POU2F2: variants seen among roughly 807,000 people sequenced by gnomAD.
POU2F2 encodes the protein POU domain, class 2, transcription factor 2.
Under a neutral mutation model 63.5 loss-of-function variants are expected in POU2F2, and 14 were observed. The ratio of observed to expected loss-of-function variants is 0.22; its 90% CI spans 0.15 to 0.34. The LOEUF (loss-of-function observed/expected upper bound fraction) is 0.34, where lower values mean the gene tolerates loss of function less well. Ranked by LOEUF, POU2F2 falls within the 10% of genes least tolerant of loss-of-function variation. POU2F2 has a pLI of 1.00. For missense variants in POU2F2, 607 were observed against 815.2 expected (o/e 0.74, Z 3.11); for synonymous variants, 306 against 348.6 (o/e 0.88, Z 1.36).
At chr19:42,104,088 G>A (rs1298406889) in intron 5 of POU2F2, among the ~76,000 whole-genome samples, 1 of 152,214 alleles carries the variant, frequency 6.6e-6, no homozygotes, top group Non-Finnish European at 1.5e-5. Flanking sequence ...AGAGTGCCCA[G>A]TGAAATTAAT....
chr19:42,142,534 G>T (rs191859088), intron 2 of POU2F2, among the ~76,000 whole-genome samples: 349 of 150,418 alleles, frequency 2.3e-3, no homozygotes, highest in Non-Finnish European at 3.8e-3. Context: ...TTTTTGGTGG[G>T]GGTTTGGGGT....
chr19:42,163,817 G>A (rs907552154), intron 1 of POU2F2, among the ~76,000 whole-genome samples: 5 of 152,168 alleles, frequency 3.3e-5, no homozygotes, highest in African/African-American at 1.2e-4. Flanking sequence ...GTGGGGACTG[G>A]TACAATAAAT....
chr19:42,104,949 G>A (rs778128201), intron 5 of POU2F2, among the ~76,000 whole-genome samples: 5 of 152,128 alleles, frequency 3.3e-5, no homozygotes, highest in Non-Finnish European at 7.4e-5. Context: ...AACTCTTGCT[G>A]CTAATCATCT....
rs2034519997 is a variant in POU2F2 at position 42,159,716 on chromosome 19, C to CAA, written c.-9+615_-9+616insTT. ...GGGGCTTCATAAAACCTTCTTTGTT[C>CAA]AGGGGAACGCTTCCAGCCATATTTT... On this transcript the variant is annotated intron_variant, in intron 2 of 6. Transcript: ENST00000524801. 2.0e-5 allele frequency among the ~76,000 whole-genome samples: 3 copies of CAA among 152,186 alleles called. No homozygotes were observed. The East Asian group carries it at 5.8e-4, about 29-fold the overall frequency.
rs111482127 is a variant in POU2F2, at chr19:42,127,435, A to G, written c.29-4859T>C. On this transcript the variant is annotated intron_variant, in intron 1 of 14. Coordinates refer to ENST00000692977, the MANE Select transcript of POU2F2 (RefSeq NM_001394376.1). ...TGCTGTGTTGTCCAGGCTGGAGTGC[A>G]GTGGTGGGATCTCGGCTCACTGCAA... 1.6e-3 allele frequency among the ~76,000 whole-genome samples: 237 copies of G among 151,862 alleles called. 3 individuals are homozygous for G. Among genetic ancestry groups the G allele is most frequent in the African/African-American group, 5.4e-3 (224 of 41,372 alleles).
intron 1 of POU2F2, among the ~76,000 whole-genome samples, chr19:42,129,494 G>A (rs781238207): frequency 7.9e-5 from 12 of 151,890 alleles, no homozygotes; most frequent in Admixed American, 5.9e-4. Flanking sequence ...ATTTCCCCCC[G>A]CCAGTTTTAG....
At chr19:42,134,174 A>C (rs2033937321), upstream of POU2F2, among the ~76,000 whole-genome samples, 1 of 130,226 alleles carries the variant, frequency 7.7e-6, no homozygotes, top group African/African-American at 2.9e-5. Context: ...TTCAGTTAGG[A>C]TTTGTTTTGG....
intron 1 of POU2F2, among the ~76,000 whole-genome samples, chr19:42,173,459 G>C (rs1036433632): frequency 6.6e-6 from 1 of 152,108 alleles, no homozygotes; most frequent in Non-Finnish European, 1.5e-5. Flanking sequence ...TGTCACATTG[G>C]TGGAGGAAGA....
Position 42,175,710 on chromosome 19 carries a change from C to G in POU2F2, c.-70+253G>C, listed in dbSNP as rs1388158944. ...AGAGACCAAAGAGGCAGCAGGCAGT[C>G]GAAGGGGTTCCCCAAGTTACAGACT... is the stretch of plus-strand genomic sequence containing the variant. On this transcript the variant is annotated intron_variant, in intron 1 of 6. Coordinates refer to the POU2F2 transcript ENST00000524801. 2.0e-5 allele frequency among the ~76,000 whole-genome samples: 3 copies of G among 151,998 alleles called. No homozygotes were observed. The East Asian group carries it at 5.8e-4, about 29-fold the overall frequency.
At chr19:42,164,273 C>T (rs1277070973) in intron 1 of POU2F2, among the ~76,000 whole-genome samples, 2 of 146,102 alleles carry the variant, frequency 1.4e-5, no homozygotes, top group Non-Finnish European at 3.0e-5. Flanking sequence ...GCCTGGACGA[C>T]ACACTGACAT....
rs1239019548 is a variant in POU2F2, at chr19:42,147,999, C to T, written c.-9+12333G>A. ...TGTCATGGTGAGTCCATGGAAGAGC[C>T]GGGATTTGTACCCCTCACACTGAGG... On this transcript the variant is annotated intron_variant, in intron 2 of 6. Transcript: ENST00000524801. Among the ~76,000 whole-genome samples, 4 of 152,072 alleles carry T rather than the reference C, an allele frequency of 2.6e-5. No individual in the cohort carries two copies. In the East Asian group the frequency reaches 7.7e-4, roughly 29 times the overall value.
upstream of POU2F2, among the ~76,000 whole-genome samples, chr19:42,134,216 G>GT (rs1302796369): frequency 2.2e-5 from 3 of 138,668 alleles, no homozygotes; most frequent in Non-Finnish European, 4.9e-5. Context: ...AGGACATTAT[G>GT]GGGGGGGGCA....
rs540267244 is a variant in POU2F2, at chr19:42,116,445, C to G, written c.369+805G>C. Among the ~76,000 whole-genome samples the G allele has an allele frequency of 3.9e-5, 6 of 152,230 alleles. No homozygotes were observed. The South Asian group carries it at 1.2e-3, about 32-fold the overall frequency. ...CTCCCAGGAGGCTGTGAACTCCCAGCGAGATGCACAGGAAGCACTGCCCCC... is the reference window on the plus strand; with the variant it reads ...CTCCCAGGAGGCTGTGAACTCCCAGGGAGATGCACAGGAAGCACTGCCCCC... On this transcript the variant is annotated intron_variant, in intron 5 of 14. Transcript: ENST00000692977.
intron 2 of POU2F2, among the ~76,000 whole-genome samples, chr19:42,138,266 C>T (rs1006945882): frequency 2.0e-5 from 3 of 152,056 alleles, no homozygotes; most frequent in African/African-American, 7.2e-5. Flanking sequence ...ATGGGAGTCA[C>T]GGAGAAGTCA....
chr19:42,134,552 A>T (rs1210992771), upstream of POU2F2: 1 of 152,402 alleles, frequency 6.6e-6, no homozygotes, highest in Non-Finnish European at 1.5e-5. Context: ...TTTGGAACAC[A>T]CTGGCAGCTG....
Position 42,117,046 on chromosome 19 carries a change from T to G in POU2F2, c.369+204A>C. The G allele has an allele frequency of 1.5e-6, 1 of 662,142 alleles. No individual in the cohort carries two copies. The highest frequency in any genetic ancestry group is 2.7e-6 in the Non-Finnish European group (1 of 366,778). The allele number at this position is 662,142 out of a possible 1,614,324, so 41.0% of individuals were successfully genotyped here. A position where few individuals can be genotyped will look rare whatever the true frequency, so the allele number is the denominator to read the frequency against. On this transcript the variant is annotated intron_variant, in intron 5 of 14. Transcript: ENST00000692977. The surrounding 1 kb of genome is among the most constrained non-coding windows in gnomAD (Gnocchi z 4.4). ...GACAGCAGGAATTGGAGCAAGGGGTTGAAGAGGAGCAGAGAAGGCAGAGAG... is the reference window on the plus strand; with the variant it reads ...GACAGCAGGAATTGGAGCAAGGGGTGGAAGAGGAGCAGAGAAGGCAGAGAG...
chr19:42,091,239 G>C lies in POU2F2; in HGVS notation c.*18C>G, dbSNP rs1236500458. ...AAGGCAGGGACCAGAGGAATGGGAG[G>C]GGAGGCATGGCTGGCCCTCACTCAG... On this transcript the variant is annotated 3_prime_UTR_variant, in exon 15 of 15. Coordinates refer to ENST00000692977, the MANE Select transcript of POU2F2 (RefSeq NM_001394376.1). The C allele has an allele frequency of 6.6e-7, 1 of 1,519,316 alleles. No homozygotes were observed. Among genetic ancestry groups the C allele is most frequent in the African/African-American group, 1.4e-5 (1 of 72,718 alleles). 94.1% of individuals were successfully genotyped at this position (1,519,316 alleles called of 1,614,324 possible).
intron 4 of POU2F2, among the ~76,000 whole-genome samples, chr19:42,121,264 C>T (rs909059724): frequency 2.0e-5 from 3 of 152,164 alleles, no homozygotes; most frequent in African/African-American, 7.2e-5. Context: ...CCGTTCAAAG[C>T]GCTCAGCACA....
At chr19:42,123,626 T>A (rs2032900917) in intron 1 of POU2F2, among the ~76,000 whole-genome samples, 1 of 152,118 alleles carries the variant, frequency 6.6e-6, no homozygotes, top group South Asian at 2.1e-4. Context: ...GGACCCCTGG[T>A]CTTCATGACT....
Sources: allele counts gnomAD v4.1 joint callset (sites outside exome capture counted in the v4.1 genomes callset), GRCh38; gene constraint gnomAD v4.1.1; non-coding constraint Gnocchi (gnomAD v3.1); transcripts MANE v1.5; gene names NCBI Gene and HGNC (gene_info 2026-07-23, HGNC 2026-07-21).